Variants in STK31 observed in about 807,000 individuals in gnomAD.
STK31 encodes the protein serine/threonine kinase 31, also known as serine/threonine-protein kinase 31.
STK31 carries 89 observed loss-of-function variants against 129.7 expected under a neutral mutation model. That is an observed-to-expected ratio of 0.69 (90% confidence interval 0.58 to 0.82). The LOEUF (loss-of-function observed/expected upper bound fraction) is 0.82. STK31 is among the 40% of genes least tolerant of loss of function. The pLI, the probability that STK31 is intolerant of heterozygous loss-of-function variation, is 0.00. For synonymous variants in STK31, 448 were observed against 395.3 expected (o/e 1.13, Z -1.58); for missense variants, 1,187 against 1,176.4 (o/e 1.01, Z -0.13).
intron 15 of STK31, among the ~76,000 whole-genome samples, chr7:23,780,023 A>G (rs908950617): frequency 5.9e-5 from 9 of 152,210 alleles, no homozygotes; most frequent in Admixed American, 4.6e-4. Context: ...GGAAAAGCAT[A>G]GTATCTGGGC....
intron 22 of STK31, among the ~76,000 whole-genome samples, chr7:23,801,723 T>C (rs867866289): frequency 5.3e-5 from 8 of 152,230 alleles, no homozygotes; most frequent in Middle Eastern, 3.4e-3. Context: ...TTGTGTAAGG[T>C]GGGAGGTTTA....
chr7:23,831,054 C>T (rs569150914), intron 23 of STK31, among the ~76,000 whole-genome samples: 5 of 152,242 alleles, frequency 3.3e-5, no homozygotes, highest in South Asian at 2.1e-4. Flanking sequence ...AAGATATGGT[C>T]GTTTCCTATA....
intron 21 of STK31, among the ~76,000 whole-genome samples, chr7:23,790,257 G>A (rs1374182310): frequency 6.6e-6 from 1 of 151,942 alleles, no homozygotes; most frequent in Non-Finnish European, 1.5e-5. Context: ...CACCTACTAT[G>A]TACCCATAAA....
chr7:23,737,795 G>A (rs540276760), intron 8 of STK31, among the ~76,000 whole-genome samples: 19 of 152,116 alleles, frequency 1.2e-4, no homozygotes, highest in African/African-American at 4.3e-4. Flanking sequence ...TGGTAATCAC[G>A]TCTCCAGATT....
At chr7:23,819,185 A>C (rs1793642258) in intron 23 of STK31, among the ~76,000 whole-genome samples, 1 of 152,140 alleles carries the variant, frequency 6.6e-6, no homozygotes, top group Non-Finnish European at 1.5e-5. Context: ...TGGATTTTGT[A>C]ATATTTAATT....
intron 6 of STK31, among the ~76,000 whole-genome samples, chr7:23,730,878 A>ATATATATTTTTTTTTT: frequency 1.7e-5 from 1 of 59,554 alleles, no homozygotes; most frequent in African/African-American, 5.8e-5. Flanking sequence ...ATATATATAT[A>ATATATATTTTTTTTTT]TTTTTTTTTT....
chr7:23,771,993 T>C (rs1790227019), intron 14 of STK31, 154 bp from the exon 15 acceptor site: 7 of 484,582 alleles, frequency 1.4e-5, no homozygotes, highest in Non-Finnish European at 2.1e-5. Context: ...AGGAAATCTA[T>C]TGAATTGTCT....
At position 23,807,731 on chromosome 7, in the gene STK31, T is replaced by G. The variant is rs1792798309; in HGVS notation, c.2761-7413T>G. ...CTTGGGGCTCTGTTTATCAGGGTGT[T>G]TTTTTTTGTAATGATGGTTGTTCAA... On this transcript the variant is annotated intron_variant, in intron 22 of 23. Transcript: ENST00000355870. Among the ~76,000 whole-genome samples, 4 of 151,900 alleles carry G rather than the reference T, an allele frequency of 2.6e-5. No individual in the cohort carries two copies. In the South Asian group the frequency reaches 8.3e-4, roughly 32 times the overall value.
At chr7:23,726,712 CAGTATTAA>C (rs1469041165) in intron 4 of STK31, among the ~76,000 whole-genome samples, 1 of 151,630 alleles carries the variant, frequency 6.6e-6, no homozygotes, top group African/African-American at 2.4e-5. Context: ...AAATAAAGTA[CAGTATTAA>C]AGATATTATC....
chr7:23,796,949 G>T (rs1792000080), intron 22 of STK31, among the ~76,000 whole-genome samples: 1 of 150,738 alleles, frequency 6.6e-6, no homozygotes, highest in African/African-American at 2.4e-5. Flanking sequence ...AAAAAAAAAA[G>T]CAGGGATTGC....
chr7:23,752,698 T>C lies in STK31; in HGVS notation c.1018-19T>C, dbSNP rs756702090. The C allele has an allele frequency of 1.3e-4, 198 of 1,552,380 alleles. No homozygotes were observed. Among genetic ancestry groups the C allele is most frequent in the Non-Finnish European group, 1.7e-4 (193 of 1,124,646 alleles). On this transcript the variant is annotated intron_variant, in intron 8 of 23. Coordinates refer to ENST00000355870, the MANE Select transcript of STK31 (RefSeq NM_031414.5). ...TTCCTATTTGGGTCTCACGAGAATG[T>C]GTTTATTCTTTGTTTCAGCAAGAGA...
intron 23 of STK31, among the ~76,000 whole-genome samples, chr7:23,818,320 G>T (rs940815968): frequency 6.6e-6 from 1 of 151,930 alleles, no homozygotes; most frequent in Non-Finnish European, 1.5e-5. Context: ...CTTTTCCCCA[G>T]TTGAAAAAAG....
Position 23,812,532 on chromosome 7 carries a change from C to T in STK31, c.2761-2612C>T, listed in dbSNP as rs138692489. ...TCTTAAACTTTTTTTTATTAAATTT[C>T]TCTAGATTTAGGGAGAACAAGTGCA... On this transcript the variant is annotated intron_variant, in intron 22 of 23. Coordinates refer to ENST00000355870, the MANE Select transcript of STK31 (RefSeq NM_031414.5). 3.2e-3 allele frequency among the ~76,000 whole-genome samples: 471 copies of T among 145,766 alleles called. 5 individuals carry two copies. Among genetic ancestry groups the T allele is most frequent in the African/African-American group, 0.011 (432 of 39,456 alleles).
At chr7:23,767,439 A>G (rs546616432) in intron 11 of STK31, among the ~76,000 whole-genome samples, 1 of 152,316 alleles carries the variant, frequency 6.6e-6, no homozygotes, top group South Asian at 2.1e-4. Context: ...TTAAGGGTCT[A>G]GCTTCTGATG....
chr7:23,772,188 T>G lies in STK31; in HGVS notation c.1875T>G (p.Ser625Arg). 1 of 1,602,444 alleles carries G rather than the reference T, an allele frequency of 6.2e-7. No individual in the cohort carries two copies. The highest frequency in any genetic ancestry group is 8.5e-7 in the Non-Finnish European group (1 of 1,173,636). ...TTGAATATTTAAATAAGAGTCCCAG[T>G]GTGGATCACTTGCTATCCATTAAGA... is the stretch of plus-strand genomic sequence containing the variant. ...QLIEYLNKSP[S>R]VDHLLSIKKT... The change falls in exon 15 of 24, where the codon AGT becomes AGG. Residue 625 changes from serine to arginine, a missense_variant. Physicochemically the swap from Ser to Arg is moderately radical, Grantham distance 110. Transcript: ENST00000355870.
intron 6 of STK31, among the ~76,000 whole-genome samples, chr7:23,730,878 A>ATATATTT: frequency 1.0e-4 from 6 of 59,538 alleles, no homozygotes; most frequent in East Asian, 4.5e-4. Context: ...ATATATATAT[A>ATATATTT]TTTTTTTTTT....
rs60712892 is a variant in STK31 at position 23,730,878 on chromosome 7, A to AT, written c.483+1647dup. On this transcript the variant is annotated intron_variant, in intron 6 of 23. Transcript: ENST00000355870. ...CATTTATATATATATATATATATAT[A>AT]TTTTTTTTTTTTTTTTTTGGTTGGG... Among the ~76,000 whole-genome samples the AT allele has an allele frequency of 1.5e-3, 92 of 59,538 alleles. 3 individuals carry two copies. Among genetic ancestry groups the AT allele is most frequent in the African/African-American group, 4.3e-3 (75 of 17,368 alleles). 39.1% of individuals were successfully genotyped at this position (59,538 alleles called of 152,430 possible). A position where few individuals can be genotyped will look rare whatever the true frequency, so the allele number is the denominator to read the frequency against.
At chr7:23,822,863 T>C (rs371144199) in intron 23 of STK31, among the ~76,000 whole-genome samples, 13 of 152,312 alleles carry the variant, frequency 8.5e-5, no homozygotes, top group Admixed American at 6.5e-4. Flanking sequence ...TTTTTGTCCT[T>C]GCGATAGTTT....
intron 15 of STK31, among the ~76,000 whole-genome samples, chr7:23,775,953 T>C (rs1052042660): frequency 7.9e-5 from 12 of 152,336 alleles, no homozygotes; most frequent in Middle Eastern, 3.4e-3. Flanking sequence ...CAGTATGATA[T>C]TGGCTGTGGG....
Sources: gnomAD v4.1 joint callset for allele counts (sites outside exome capture counted in the v4.1 genomes callset) on GRCh38, gnomAD v4.1.1 for gene constraint, MANE v1.5 for transcripts, NCBI Gene and HGNC (gene_info 2026-07-23, HGNC 2026-07-21) for gene names.